HS3ST4: variants seen among roughly 807,000 people sequenced by gnomAD.
HS3ST4 encodes heparan sulfate-glucosamine 3-sulfotransferase 4.
Under a neutral mutation model 29.2 loss-of-function variants are expected in HS3ST4, and 17 were observed. The observed-to-expected ratio is 0.58, with a 90% confidence interval of 0.40 to 0.87. HS3ST4 has a LOEUF of 0.87. Among genes scored for constraint, HS3ST4 ranks in the 40% least tolerant of loss-of-function variants. The pLI is 0.00. For missense variants in HS3ST4, 627 were observed against 634.5 expected (o/e 0.99, Z 0.13); for synonymous variants, 314 against 285.7 (o/e 1.10, Z -1.00).
At chr16:25,899,216 T>A (rs1968098551) in intron 1 of HS3ST4, among the ~76,000 whole-genome samples, 1 of 152,228 alleles carries the variant, frequency 6.6e-6, no homozygotes, top group Non-Finnish European at 1.5e-5. Flanking sequence ...TATAAAGTCT[T>A]CCTCAAACCC....
chr16:25,846,933 T>C (rs1967472375), intron 1 of HS3ST4, among the ~76,000 whole-genome samples: 1 of 152,124 alleles, frequency 6.6e-6, no homozygotes, highest in Non-Finnish European at 1.5e-5. Context: ...TTCTTTTAAT[T>C]ACTACAGCTT....
intron 1 of HS3ST4, among the ~76,000 whole-genome samples, chr16:25,713,512 G>A (rs1966430878): frequency 6.7e-6 from 1 of 149,038 alleles, no homozygotes; most frequent in African/African-American, 2.5e-5. Flanking sequence ...TGGGTGACAA[G>A]GCAAGACCCT....
chr16:26,102,053 C>A (rs1367662763), intron 1 of HS3ST4, among the ~76,000 whole-genome samples: 3 of 152,086 alleles, frequency 2.0e-5, no homozygotes, highest in Non-Finnish European at 2.9e-5. Context: ...TCCCTTCCTT[C>A]ATAGATATAA....
intron 1 of HS3ST4, among the ~76,000 whole-genome samples, chr16:25,820,792 A>C (rs1967146399): frequency 6.6e-6 from 1 of 151,818 alleles, no homozygotes; most frequent in Non-Finnish European, 1.5e-5. Context: ...GCTTATCTTG[A>C]GCTCCTAGGC....
intron 1 of HS3ST4, among the ~76,000 whole-genome samples, chr16:25,727,646 C>T (rs1379418633): frequency 6.6e-6 from 1 of 152,086 alleles, no homozygotes; most frequent in African/African-American, 2.4e-5. Context: ...CTACAATGCC[C>T]CATTCACTTC....
At chr16:26,068,978 G>T (rs958137434) in intron 1 of HS3ST4, among the ~76,000 whole-genome samples, 2 of 152,154 alleles carry the variant, frequency 1.3e-5, no homozygotes, top group Admixed American at 6.5e-5. Context: ...TTGAGACGGG[G>T]TGTTGCTCTG....
At chr16:25,858,953 T>C (rs563111446) in intron 1 of HS3ST4, among the ~76,000 whole-genome samples, 2 of 152,260 alleles carry the variant, frequency 1.3e-5, no homozygotes, top group Non-Finnish European at 1.5e-5. Context: ...TGTCTTTCTT[T>C]AGTTTGGGTT....
chr16:25,813,049 A>T (rs1383751721), intron 1 of HS3ST4, among the ~76,000 whole-genome samples: 1 of 152,216 alleles, frequency 6.6e-6, no homozygotes, highest in East Asian at 1.9e-4. Context: ...CATCTATCTG[A>T]CAAAGGGCTC....
intron 1 of HS3ST4, among the ~76,000 whole-genome samples, chr16:25,863,223 A>G (rs1212316926): frequency 6.6e-6 from 1 of 152,124 alleles, no homozygotes; most frequent in East Asian, 1.9e-4. Flanking sequence ...AGCCAGGACT[A>G]CAGGGGTGCA....
chr16:26,018,684 C>G (rs1282698298), intron 1 of HS3ST4, among the ~76,000 whole-genome samples: 2 of 152,146 alleles, frequency 1.3e-5, no homozygotes, highest in Admixed American at 1.3e-4. Flanking sequence ...TAACATTACA[C>G]CAAGGATCAC....
chr16:26,018,352 G>T (rs1969380422), intron 1 of HS3ST4, among the ~76,000 whole-genome samples: 1 of 152,184 alleles, frequency 6.6e-6, no homozygotes, highest in African/African-American at 2.4e-5. Context: ...GGATTGGTCG[G>T]AACTAACAGT....
intron 1 of HS3ST4, among the ~76,000 whole-genome samples, chr16:26,086,983 A>C (rs953872195): frequency 1.3e-5 from 2 of 152,136 alleles, no homozygotes; most frequent in Non-Finnish European, 2.9e-5. Context: ...TGCTATCACT[A>C]AGTGAAAAAT....
At chr16:25,696,855 C>T (rs903548448) in intron 1 of HS3ST4, among the ~76,000 whole-genome samples, 1 of 152,166 alleles carries the variant, frequency 6.6e-6, no homozygotes, top group Non-Finnish European at 1.5e-5. Context: ...GCCATTGTGG[C>T]AATTGGTGCT....
chr16:26,025,702 G>A (rs1969464041), intron 1 of HS3ST4, among the ~76,000 whole-genome samples: 1 of 152,192 alleles, frequency 6.6e-6, no homozygotes, highest in African/African-American at 2.4e-5. Context: ...GGGATCGTAG[G>A]CAATAACAGG....
At chr16:26,034,985 AAAG>A (rs1223953627) in intron 1 of HS3ST4, among the ~76,000 whole-genome samples, 48 of 152,122 alleles carry the variant, frequency 3.2e-4, no homozygotes, top group African/African-American at 1.1e-3. Flanking sequence ...CCATCTGAAA[AAAG>A]AAGAAAGAAA....
intron 1 of HS3ST4, among the ~76,000 whole-genome samples, chr16:25,989,888 C>T (rs183068958): frequency 7.8e-4 from 119 of 152,296 alleles, no homozygotes; most frequent in African/African-American, 2.8e-3. Flanking sequence ...TGTTTAATCA[C>T]CGGAAGTCCA....
intron 1 of HS3ST4, among the ~76,000 whole-genome samples, chr16:25,862,638 C>A (rs1967649983): frequency 6.6e-6 from 1 of 152,226 alleles, no homozygotes; most frequent in African/African-American, 2.4e-5. Context: ...GGGTTGGGAA[C>A]CCCTGTCGTA....
At chr16:26,065,210 C>T (rs1330756872) in intron 1 of HS3ST4, among the ~76,000 whole-genome samples, 1 of 152,136 alleles carries the variant, frequency 6.6e-6, no homozygotes, top group Non-Finnish European at 1.5e-5. Flanking sequence ...ATAGCAAAGC[C>T]ATGGAGTCAA....
chr16:26,120,358 T>C (rs1899259585), intron 1 of HS3ST4, among the ~76,000 whole-genome samples: 3 of 152,182 alleles, frequency 2.0e-5, no homozygotes, highest in Non-Finnish European at 2.9e-5. Context: ...TATGATTATA[T>C]TTTACATCAT....
Sources: allele counts gnomAD v4.1 joint callset (sites outside exome capture counted in the v4.1 genomes callset), GRCh38; gene constraint gnomAD v4.1.1; transcripts MANE v1.5; gene names NCBI Gene and HGNC (gene_info 2026-07-23, HGNC 2026-07-21).